CPQ: variants seen among roughly 807,000 people sequenced by gnomAD.
The protein encoded by CPQ is Ser-Met dipeptidase.
CPQ carries 37 observed loss-of-function variants against 45.7 expected under a neutral mutation model. The ratio of observed to expected loss-of-function variants is 0.81; its 90% CI spans 0.62 to 1.07. The LOEUF is 1.07. CPQ is among the 50% of genes least tolerant of loss of function. The probability of loss-of-function intolerance (pLI) is 0.00; values close to 1 mark genes in which losing one functional copy is unlikely to be tolerated. For synonymous variants in CPQ, 186 were observed against 205.8 expected (o/e 0.90, Z 0.82); for missense variants, 537 against 572.9 (o/e 0.94, Z 0.64).
At chr8:96,790,608 A>G (rs1448741084) in intron 2 of CPQ, among the ~76,000 whole-genome samples, 1 of 152,060 alleles carries the variant, frequency 6.6e-6, no homozygotes, top group Non-Finnish European at 1.5e-5. Context: ...GTGGAGAGAA[A>G]GCTCTTACGT....
chr8:97,010,753 G>T (rs1258597448), intron 5 of CPQ, among the ~76,000 whole-genome samples: 1 of 152,122 alleles, frequency 6.6e-6, no homozygotes, highest in Non-Finnish European at 1.5e-5. Flanking sequence ...TCTCTCTGCA[G>T]AGAACAGTAA....
At chr8:96,866,299 T>C (rs1172471328) in intron 3 of CPQ, among the ~76,000 whole-genome samples, 1 of 152,018 alleles carries the variant, frequency 6.6e-6, no homozygotes, top group Non-Finnish European at 1.5e-5. Context: ...TTGAATGATT[T>C]ATTTTTCATA....
intron 7 of CPQ, among the ~76,000 whole-genome samples, chr8:97,124,129 G>A (rs529264264): frequency 6.7e-6 from 1 of 150,310 alleles, no homozygotes; most frequent in Non-Finnish European, 1.5e-5. Context: ...TGGAGGCTGA[G>A]GCAGGAGAAT....
intron 7 of CPQ, among the ~76,000 whole-genome samples, chr8:97,122,676 G>A (rs968483896): frequency 2.6e-5 from 4 of 151,614 alleles, no homozygotes; most frequent in East Asian, 1.9e-4. Context: ...ATTGAGGTCC[G>A]GAGTTTGAGA....
chr8:96,828,619 G>C (rs1811407994), intron 2 of CPQ, among the ~76,000 whole-genome samples: 1 of 151,950 alleles, frequency 6.6e-6, no homozygotes, highest in African/African-American at 2.4e-5. Flanking sequence ...ACCTGACTGA[G>C]GTGCATTATG....
chr8:97,052,629 C>T (rs1462498354), intron 6 of CPQ, among the ~76,000 whole-genome samples: 1 of 152,140 alleles, frequency 6.6e-6, no homozygotes, highest in Non-Finnish European at 1.5e-5. Context: ...GTGAGTCTAA[C>T]ATATGGGAGT....
chr8:97,040,527 C>T (rs1301462822), intron 6 of CPQ, among the ~76,000 whole-genome samples: 2 of 152,178 alleles, frequency 1.3e-5, no homozygotes, highest in Non-Finnish European at 2.9e-5. Flanking sequence ...GTTGCCATCG[C>T]TTTTGGTGTT....
At chr8:96,677,358 A>G (rs901874147) in intron 1 of CPQ, among the ~76,000 whole-genome samples, 4 of 152,220 alleles carry the variant, frequency 2.6e-5, no homozygotes, top group African/African-American at 9.6e-5. Context: ...ATTTTTAATT[A>G]TGGTCATTCT....
intron 1 of CPQ, among the ~76,000 whole-genome samples, chr8:96,765,935 T>C (rs1255293616): frequency 1.3e-5 from 2 of 152,162 alleles, no homozygotes; most frequent in African/African-American, 4.8e-5. Context: ...AGCAGAGTGC[T>C]GTGTACGATG....
At chr8:97,029,893 G>A (rs1586503209) in intron 6 of CPQ, among the ~76,000 whole-genome samples, 3 of 152,130 alleles carry the variant, frequency 2.0e-5, no homozygotes, top group African/African-American at 7.2e-5. Context: ...TGAGAGCCAG[G>A]TTCCAAGTCA....
At chr8:97,110,791 C>T (rs1386748108) in intron 7 of CPQ, among the ~76,000 whole-genome samples, 3 of 152,152 alleles carry the variant, frequency 2.0e-5, no homozygotes, top group Non-Finnish European at 4.4e-5. Flanking sequence ...TAAATTTGTA[C>T]AGAATAGGAT....
intron 4 of CPQ, among the ~76,000 whole-genome samples, chr8:96,961,519 T>C (rs541196457): frequency 1.3e-5 from 2 of 152,218 alleles, no homozygotes; most frequent in Non-Finnish European, 2.9e-5. Flanking sequence ...ATGATTTCTC[T>C]TGATGAACAT....
chr8:96,943,997 G>A (rs182649607), intron 4 of CPQ, among the ~76,000 whole-genome samples: 1 of 152,218 alleles, frequency 6.6e-6, no homozygotes, highest in Admixed American at 6.5e-5. Context: ...ATATGTCTCT[G>A]GCATGGTCAA....
intron 5 of CPQ, among the ~76,000 whole-genome samples, chr8:96,967,242 T>C (rs10090663): frequency 0.073 from 11,071 of 152,264 alleles, 753 homozygotes; most frequent in African/African-American, 0.18. Context: ...ATTAATTTTA[T>C]TTCAGTATGT....
At chr8:97,087,142 A>T (rs537346308) in intron 7 of CPQ, among the ~76,000 whole-genome samples, 1 of 152,320 alleles carries the variant, frequency 6.6e-6, no homozygotes, top group Non-Finnish European at 1.5e-5. Context: ...AATGACCACA[A>T]TGGCTAATAG....
intron 1 of CPQ, among the ~76,000 whole-genome samples, chr8:96,737,840 A>G (rs1004997101): frequency 6.6e-6 from 1 of 152,178 alleles, no homozygotes; most frequent in Non-Finnish European, 1.5e-5. Flanking sequence ...TTTAAAAATT[A>G]TGTATATTTA....
intron 7 of CPQ, chr8:97,132,856 G>A (rs1468875880): frequency 6.6e-6 from 1 of 152,214 alleles, no homozygotes; most frequent in Non-Finnish European, 1.5e-5. Context: ...GAACTTTATT[G>A]ACGTCAGACC....
intron 1 of CPQ, among the ~76,000 whole-genome samples, chr8:96,720,982 TGTGCC>T (rs1455627475): frequency 6.6e-6 from 1 of 152,012 alleles, no homozygotes; most frequent in Non-Finnish European, 1.5e-5. Flanking sequence ...CTTCCCTGGC[TGTGCC>T]AGAATGCCAG....
At chr8:96,736,860 G>T (rs1334590991) in intron 1 of CPQ, among the ~76,000 whole-genome samples, 1 of 151,886 alleles carries the variant, frequency 6.6e-6, no homozygotes, top group Non-Finnish European at 1.5e-5. Flanking sequence ...GCCCATATTG[G>T]TAGTTCATAC....
Sources: allele counts gnomAD v4.1 joint callset (sites outside exome capture counted in the v4.1 genomes callset), GRCh38; gene constraint gnomAD v4.1.1; transcripts MANE v1.5; gene names NCBI Gene and HGNC (gene_info 2026-07-23, HGNC 2026-07-21).